Variants in FYN observed in about 807,000 individuals in gnomAD.
FYN encodes tyrosine-protein kinase Fyn.
In FYN, 10 loss-of-function variants were observed where a neutral mutation model predicts 70.2. That is an observed-to-expected ratio of 0.14 (90% CI 0.09 to 0.24). The LOEUF is 0.24. FYN is among the 10% of genes least tolerant of loss of function. The pLI is 1.00. For missense variants in FYN, 319 were observed against 673.1 expected (o/e 0.47, Z 5.82); for synonymous variants, 236 against 248.6 (o/e 0.95, Z 0.48).
At chr6:111,738,038 T>C (rs1430127825) in intron 3 of FYN, among the ~76,000 whole-genome samples, 1 of 152,242 alleles carries the variant, frequency 6.6e-6, no homozygotes, top group African/African-American at 2.4e-5. Context: ...ACACCCATCA[T>C]GAACTGTCAT....
intron 2 of FYN, among the ~76,000 whole-genome samples, chr6:111,828,534 C>T (rs2114399610): frequency 6.6e-6 from 1 of 151,922 alleles, no homozygotes; most frequent in South Asian, 2.1e-4. Context: ...TGAATGCAAA[C>T]AAAATATGGT....
At chr6:111,867,269 C>T (rs1006576330) in intron 1 of FYN, among the ~76,000 whole-genome samples, 2 of 151,968 alleles carry the variant, frequency 1.3e-5, no homozygotes, top group African/African-American at 2.4e-5. Flanking sequence ...ATCAGAAGTT[C>T]GAGACCAGCC....
intron 2 of FYN, among the ~76,000 whole-genome samples, chr6:111,828,728 C>T (rs1046635030): frequency 4.6e-5 from 7 of 152,070 alleles, no homozygotes; most frequent in South Asian, 2.1e-4. Context: ...AAAAGTAGAA[C>T]GGTGGTTGCC....
intron 2 of FYN, among the ~76,000 whole-genome samples, chr6:111,800,481 G>A (rs1248901211): frequency 1.3e-5 from 2 of 152,090 alleles, no homozygotes; most frequent in African/African-American, 2.4e-5. Flanking sequence ...TGAATATGAG[G>A]AAGGGAGGAA....
At chr6:111,718,924 A>AG in intron 4 of FYN, among the ~76,000 whole-genome samples, 1 of 152,270 alleles carries the variant, frequency 6.6e-6, no homozygotes, top group Non-Finnish European at 1.5e-5. Flanking sequence ...TTGGGTGCAG[A>AG]GGGAAAAAAA....
At chr6:111,768,714 C>A (rs186446585) in intron 3 of FYN, among the ~76,000 whole-genome samples, 1 of 152,176 alleles carries the variant, frequency 6.6e-6, no homozygotes, top group Admixed American at 6.5e-5. Context: ...CTTTTCTCAT[C>A]CCCAGGCCCA....
At chr6:111,822,465 C>T (rs1326137134) in intron 2 of FYN, among the ~76,000 whole-genome samples, 2 of 151,352 alleles carry the variant, frequency 1.3e-5, no homozygotes, top group African/African-American at 2.4e-5. Context: ...GAACATCACA[C>T]ACCTGGGCCT....
intron 3 of FYN, among the ~76,000 whole-genome samples, chr6:111,731,819 C>T (rs1801471120): frequency 3.3e-5 from 5 of 152,180 alleles, no homozygotes; most frequent in African/African-American, 1.2e-4. Context: ...ATGGTCTCTG[C>T]CTTCCCTGAT....
rs1246184786 is a variant in FYN at position 111,773,284 on chromosome 6, T to C, written c.-12+7282A>G. 5.1e-5 allele frequency among the ~76,000 whole-genome samples: 5 copies of C among 98,744 alleles called. No individual in the cohort carries two copies. The East Asian group carries it at 1.3e-3, about 26-fold the overall frequency. The allele number at this position is 98,744 out of a possible 152,430, so 64.8% of individuals were successfully genotyped here. A position where few individuals can be genotyped will look rare whatever the true frequency, so the allele number is the denominator to read the frequency against. On this transcript the variant is annotated intron_variant, in intron 3 of 13. Transcript: ENST00000354650. ...CAAAATAAAAAGTTGGGAAAGAAAC[T>C]GGGAGAGAAAGAGAGGGAGGGAGGG...
intron 3 of FYN, among the ~76,000 whole-genome samples, chr6:111,773,558 A>AGAGGG (rs1803564546): frequency 3.9e-5 from 1 of 25,756 alleles, no homozygotes. Context: ...GGAGACGCAG[A>AGAGGG]GGAGGGAGAG....
intron 3 of FYN, among the ~76,000 whole-genome samples, chr6:111,730,985 G>A (rs950109673): frequency 2.0e-5 from 3 of 152,242 alleles, no homozygotes; most frequent in Non-Finnish European, 2.9e-5. Context: ...AGTGGTGGCA[G>A]AACTGGCCGA....
intron 5 of FYN, chr6:111,709,016 C>A (rs1800240546): frequency 1.3e-5 from 2 of 152,166 alleles, no homozygotes; most frequent in South Asian, 4.1e-4. Flanking sequence ...GGATGTGGCG[C>A]TGCGGCTCTG....
intron 2 of FYN, among the ~76,000 whole-genome samples, chr6:111,799,609 A>G (rs565388878): frequency 2.6e-5 from 4 of 152,316 alleles, no homozygotes; most frequent in South Asian, 2.1e-4. Context: ...TCATCAAGTA[A>G]GGATTGGTAA....
chr6:111,745,844 G>C (rs1380209869), intron 3 of FYN, among the ~76,000 whole-genome samples: 3 of 152,164 alleles, frequency 2.0e-5, no homozygotes, highest in Non-Finnish European at 4.4e-5. Context: ...AATACACTGG[G>C]GAGTGAATAC....
intron 1 of FYN, among the ~76,000 whole-genome samples, chr6:111,863,570 A>G (rs1277753869): frequency 6.6e-6 from 1 of 152,204 alleles, no homozygotes; most frequent in African/African-American, 2.4e-5. Context: ...TTGTTGTGGG[A>G]AAGGAGATCT....
At chr6:111,786,870 G>T (rs1223759075) in intron 2 of FYN, among the ~76,000 whole-genome samples, 1 of 152,204 alleles carries the variant, frequency 6.6e-6, no homozygotes, top group Non-Finnish European at 1.5e-5. Context: ...CTTCTTTTGA[G>T]AAGTGTCTGT....
intron 3 of FYN, among the ~76,000 whole-genome samples, chr6:111,727,373 C>A (rs1016919808): frequency 1.3e-5 from 2 of 152,162 alleles, no homozygotes; most frequent in Admixed American, 1.3e-4. Flanking sequence ...TTTCCTATTG[C>A]ACTTAAAATA....
At chr6:111,847,276 T>C (rs1053957259) in intron 1 of FYN, among the ~76,000 whole-genome samples, 3 of 152,230 alleles carry the variant, frequency 2.0e-5, no homozygotes, top group African/African-American at 4.8e-5. Context: ...GTGCTGGTTC[T>C]GATGACACCC....
At chr6:111,848,875 C>A (rs1274671230) in intron 1 of FYN, among the ~76,000 whole-genome samples, 2 of 152,130 alleles carry the variant, frequency 1.3e-5, no homozygotes, top group Non-Finnish European at 1.5e-5. Context: ...TCTTAAAAAT[C>A]ATTTTTTAAA....
Sources: allele counts gnomAD v4.1 joint callset (sites outside exome capture counted in the v4.1 genomes callset), GRCh38; gene constraint gnomAD v4.1.1; transcripts MANE v1.5; gene names NCBI Gene and HGNC (gene_info 2026-07-23, HGNC 2026-07-21).